The following DDAH1 variants were observed in gnomAD, a reference collection of about 807,000 sequenced individuals.
The protein encoded by DDAH1 is N(G),N(G)-dimethylarginine dimethylaminohydrolase 1.
In DDAH1, 19 loss-of-function variants were observed where a neutral mutation model predicts 28.8. The observed-to-expected ratio is 0.66, with a 90% CI of 0.46 to 0.97. DDAH1 has a LOEUF of 0.97. Ranked by LOEUF, DDAH1 falls within the 50% of genes least tolerant of loss-of-function variation. The pLI is 0.00. For missense variants in DDAH1, 326 were observed against 375.9 expected (o/e 0.87, Z 1.10); for synonymous variants, 153 against 154.4 (o/e 0.99, Z 0.07).
intron 1 of DDAH1, among the ~76,000 whole-genome samples, chr1:85,455,335 C>T (rs947404119): frequency 2.6e-5 from 4 of 151,992 alleles, no homozygotes; most frequent in African/African-American, 9.7e-5. Context: ...TTAATTTCAC[C>T]TTTTTCAATC....
chr1:85,563,155 GT>G (rs1427593318), intron 1 of DDAH1, among the ~76,000 whole-genome samples: 2 of 152,158 alleles, frequency 1.3e-5, no homozygotes, highest in Admixed American at 1.3e-4. Flanking sequence ...ATGAGAGCTA[GT>G]TTTTTGGTGA....
At chr1:85,562,576 C>T (rs945952846) in intron 1 of DDAH1, among the ~76,000 whole-genome samples, 2 of 152,024 alleles carry the variant, frequency 1.3e-5, no homozygotes, top group African/African-American at 2.4e-5. Context: ...GGTACCCTTC[C>T]ATAGAAAGAG....
intron 4 of DDAH1, among the ~76,000 whole-genome samples, chr1:85,343,598 T>C (rs1236406720): frequency 1.3e-5 from 2 of 152,200 alleles, no homozygotes; most frequent in African/African-American, 4.8e-5. Flanking sequence ...AGACTCAAAG[T>C]GGAAAATCTT....
rs528242687 is a variant in DDAH1 at position 85,327,712 on chromosome 1, C to G, written c.598-2829G>C. 8.1e-4 allele frequency among the ~76,000 whole-genome samples: 124 copies of G among 152,184 alleles called. 1 individual carries two copies. The Middle Eastern group carries it at 0.01, about 13-fold the overall frequency. On this transcript the variant is annotated intron_variant, in intron 4 of 5. Transcript: ENST00000284031. The stretch of plus-strand genomic sequence containing the variant: ...TATGCCCTGTGAGCCTCAATTCCCT[C>G]AGCAGTAAAATGGGATGGGAATGCT...
intron 1 of DDAH1, among the ~76,000 whole-genome samples, chr1:85,527,428 G>A (rs1285765709): frequency 6.6e-6 from 1 of 152,210 alleles, no homozygotes; most frequent in East Asian, 1.9e-4. Context: ...GTTTAGCCTT[G>A]AGAGTTTGCA....
At chr1:85,349,502 G>A (rs369993594) in intron 4 of DDAH1, among the ~76,000 whole-genome samples, 5 of 152,314 alleles carry the variant, frequency 3.3e-5, no homozygotes, top group African/African-American at 9.6e-5. Flanking sequence ...ATGCATGCTC[G>A]TGTGCAGGAC....
chr1:85,577,125 G>A (rs956119856), intron 1 of DDAH1, among the ~76,000 whole-genome samples: 5 of 152,128 alleles, frequency 3.3e-5, no homozygotes, highest in African/African-American at 9.7e-5. Context: ...CGGGGTGGCC[G>A]GCAGGGGGCG....
chr1:85,337,510 G>T (rs970995948), intron 4 of DDAH1, among the ~76,000 whole-genome samples: 2 of 150,830 alleles, frequency 1.3e-5, no homozygotes, highest in Non-Finnish European at 2.9e-5. Context: ...CTGGAGTGCA[G>T]TGGCACTATC....
intron 1 of DDAH1, among the ~76,000 whole-genome samples, chr1:85,408,403 T>C (rs1034970824): frequency 2.6e-5 from 4 of 152,190 alleles, no homozygotes; most frequent in Admixed American, 1.3e-4. Context: ...CCTTTTCATA[T>C]TGTTTTGTGG....
chr1:85,516,251 A>G (rs530223029), intron 1 of DDAH1, among the ~76,000 whole-genome samples: 1 of 151,864 alleles, frequency 6.6e-6, no homozygotes, highest in African/African-American at 2.4e-5. Flanking sequence ...ATGTGATAGA[A>G]CAGATACATA....
intron 1 of DDAH1, among the ~76,000 whole-genome samples, chr1:85,409,715 T>C (rs549119415): frequency 6.6e-6 from 1 of 152,320 alleles, no homozygotes; most frequent in East Asian, 1.9e-4. Flanking sequence ...TTCACCTCTA[T>C]AATGGCATTT....
chr1:85,488,924 C>T (rs541107614), intron 2 of DDAH1, among the ~76,000 whole-genome samples: 9 of 152,168 alleles, frequency 5.9e-5, no homozygotes, highest in African/African-American at 1.7e-4. Flanking sequence ...GAATCAAATA[C>T]GGTTGAATTT....
chr1:85,523,138 G>C (rs1282780735), intron 1 of DDAH1, among the ~76,000 whole-genome samples: 2 of 152,088 alleles, frequency 1.3e-5, no homozygotes, highest in Non-Finnish European at 2.9e-5. Context: ...TGAATGGCCT[G>C]TAGGGCTCAC....
chr1:85,529,553 A>T (rs1438243314), intron 1 of DDAH1, among the ~76,000 whole-genome samples: 2 of 143,066 alleles, frequency 1.4e-5, no homozygotes, highest in Non-Finnish European at 3.1e-5. Flanking sequence ...CTTCTCCCCA[A>T]CCAAGAGCAG....
intron 2 of DDAH1, among the ~76,000 whole-genome samples, chr1:85,475,578 A>G (rs1244444247): frequency 6.6e-6 from 1 of 152,228 alleles, no homozygotes; most frequent in East Asian, 1.9e-4. Flanking sequence ...ACTTAATTCA[A>G]TATGTTTGAC....
Position 85,369,055 on chromosome 1 carries a change from CTTTTTTTTTT to C in DDAH1, c.304-10218_304-10209del, listed in dbSNP as rs36109764. ...GTGCTCCCATGGCTCCCAGGGGATT[CTTTTTTTTTT>C]TTTTTTTTTTTTTGAGACAGGGTCT... is the stretch of plus-strand genomic sequence containing the variant. On this transcript the variant is annotated intron_variant, in intron 1 of 5. Transcript: ENST00000284031. Among the ~76,000 whole-genome samples, 6 of 84,590 alleles carry C rather than the reference CTTTTTTTTTT, an allele frequency of 7.1e-5. No homozygotes were observed. The Admixed American group carries it at 8.5e-4, about 12-fold the overall frequency. The allele number at this position is 84,590 out of a possible 152,430, so 55.5% of individuals were successfully genotyped here.
At position 85,577,070 on chromosome 1, in the gene DDAH1, G is replaced by T. The variant is rs574951880; in HGVS notation, c.-123+914C>A. ...GAAACGTCCTGCGCCGCGCGCCGCCGGAAACCTCGATTCTTGGCAACCGCG... is the reference window on the plus strand; with the variant it reads ...GAAACGTCCTGCGCCGCGCGCCGCCTGAAACCTCGATTCTTGGCAACCGCG... On this transcript the variant is annotated intron_variant, in intron 1 of 6. Coordinates refer to the DDAH1 transcript ENST00000426972. 6.3e-3 allele frequency among the ~76,000 whole-genome samples: 954 copies of T among 152,118 alleles called. 7 individuals carry two copies. The highest frequency in any genetic ancestry group is 0.018 in the African/African-American group (767 of 41,526).
rs1411503900 is a variant in DDAH1 at position 85,358,784 on chromosome 1, T to C, written c.367A>G (p.Asn123Asp). Residue 123 changes from asparagine (N) to aspartate (D), a missense_variant, in exon 2 of 6, where the codon AAT becomes GAT. Asn to Asp is a conservative substitution (Grantham distance 23, BLOSUM62 1). Coordinates refer to ENST00000284031, the MANE Select transcript of DDAH1 (RefSeq NM_012137.4). ...QLNIVEMKDE[N>D]ATLDGGDVLF... ...ACATCTCCGCCATCTAAAGTTGCAT[T>C]TTCATCTTTCATCTCTACTATATTG... The C allele has an allele frequency of 2.8e-5, 45 of 1,612,552 alleles. No homozygotes were observed. Among genetic ancestry groups the C allele is most frequent in the Non-Finnish European group, 3.8e-5 (45 of 1,179,262 alleles).
At chr1:85,484,442 T>C (rs923300464) in intron 2 of DDAH1, among the ~76,000 whole-genome samples, 3 of 152,270 alleles carry the variant, frequency 2.0e-5, no homozygotes, top group Middle Eastern at 3.4e-3. Flanking sequence ...ATGATTCATT[T>C]GAAATCAGCC....
Sources: gnomAD v4.1 joint callset for allele counts (sites outside exome capture counted in the v4.1 genomes callset) on GRCh38, gnomAD v4.1.1 for gene constraint, MANE v1.5 for transcripts, NCBI Gene and HGNC (gene_info 2026-07-23, HGNC 2026-07-21) for gene names.